AOPEP: variants seen among roughly 807,000 people sequenced by gnomAD.
The protein encoded by AOPEP is aminopeptidase O.
In AOPEP, 77 loss-of-function variants were observed where a neutral mutation model predicts 98.1. The observed-to-expected ratio is 0.78, with a 90% CI of 0.65 to 0.95. AOPEP has a LOEUF of 0.95. Ranked by LOEUF, AOPEP falls within the 40% of genes least tolerant of loss-of-function variation. The probability of loss-of-function intolerance (pLI) is 0.00; values close to 1 mark genes in which losing one functional copy is unlikely to be tolerated. For missense variants in AOPEP, 1,024 were observed against 1,024.7 expected (o/e 1.00, Z 0.01); for synonymous variants, 346 against 365.3 (o/e 0.95, Z 0.60).
rs908040887 is a variant in AOPEP, at chr9:94,980,056, G to A, written c.1977+629G>A. Among the ~76,000 whole-genome samples, 2 of 152,160 alleles carry A rather than the reference G, an allele frequency of 1.3e-5. No homozygotes were observed. The highest frequency in any genetic ancestry group is 4.8e-5 in the African/African-American group (2 of 41,426). Reference sequence around the variant, plus strand: ...TTCTCTCCCTCCCTTTCAGTCTATGGGCAACTCTAAGGGAGAAACCTTTTC... The same window carrying A: ...TTCTCTCCCTCCCTTTCAGTCTATGAGCAACTCTAAGGGAGAAACCTTTTC... On this transcript the variant is annotated intron_variant, in intron 11 of 16. Transcript: ENST00000375315. This position sits in a 1 kb window ranked among gnomAD's most constrained non-coding sequence, Gnocchi z 4.3.
chr9:94,914,866 G>T (rs1033523526), intron 5 of AOPEP, among the ~76,000 whole-genome samples: 1 of 152,178 alleles, frequency 6.6e-6, no homozygotes, highest in African/African-American at 2.4e-5. Flanking sequence ...GAGGCCCAGA[G>T]ATCTGTTTTA....
intron 5 of AOPEP, among the ~76,000 whole-genome samples, chr9:94,819,157 C>T (rs1459320378): frequency 6.6e-6 from 1 of 152,200 alleles, no homozygotes; most frequent in Non-Finnish European, 1.5e-5. Context: ...AGCTCTCTGT[C>T]CTTGACCTCT....
chr9:94,887,434 G>A (rs200851727), intron 5 of AOPEP, among the ~76,000 whole-genome samples: 3 of 152,204 alleles, frequency 2.0e-5, no homozygotes, highest in Middle Eastern at 3.4e-3. Flanking sequence ...CATAAGCATT[G>A]TACTTGAGTT....
chr9:95,036,561 T>G (rs2064837738), intron 13 of AOPEP, among the ~76,000 whole-genome samples: 1 of 152,224 alleles, frequency 6.6e-6, no homozygotes. Context: ...TGTGTTTACT[T>G]GCTCTTTATA....
the AOPEP span, among the ~76,000 whole-genome samples, chr9:95,120,775 G>A: frequency 3.9e-5 from 6 of 152,152 alleles, no homozygotes; most frequent in Admixed American, 1.3e-4. Flanking sequence ...CTTTTTATTA[G>A]AATATTTAAC....
intron 13 of AOPEP, among the ~76,000 whole-genome samples, 191 bp downstream of exon 13, chr9:95,005,807 A>G (rs550910448): frequency 2.0e-5 from 3 of 152,340 alleles, no homozygotes; most frequent in African/African-American, 4.8e-5. Context: ...ATATAGTCTC[A>G]TTAGGAGAGA....
intron 1 of AOPEP, among the ~76,000 whole-genome samples, chr9:94,737,750 G>A (rs1359051800): frequency 6.6e-6 from 1 of 152,198 alleles, no homozygotes; most frequent in Non-Finnish European, 1.5e-5. Context: ...ACAAGATGTG[G>A]TGTGCTTAAG....
At chr9:94,875,347 GAAAAAAAAA>G (rs71366265) in intron 5 of AOPEP, among the ~76,000 whole-genome samples, 33 of 71,510 alleles carry the variant, frequency 4.6e-4, no homozygotes, top group African/African-American at 1.0e-3. Context: ...AATTGAGCAA[GAAAAAAAAA>G]AAAAAAAAAA....
At chr9:94,756,060 C>T (rs1411752828) in intron 1 of AOPEP, among the ~76,000 whole-genome samples, 1 of 150,350 alleles carries the variant, frequency 6.7e-6, no homozygotes, top group Non-Finnish European at 1.5e-5. Context: ...GAGATCAAGA[C>T]CATCCTGGCT....
the AOPEP span, among the ~76,000 whole-genome samples, chr9:95,133,640 G>C: frequency 6.6e-6 from 1 of 152,200 alleles, no homozygotes; most frequent in Non-Finnish European, 1.5e-5. Context: ...AAGGATTAAG[G>C]AAAGGCTGGA....
rs900540811 is a variant in AOPEP at position 95,028,906 on chromosome 9, A to G, written c.2115+23290A>G. 7.9e-5 allele frequency among the ~76,000 whole-genome samples: 12 copies of G among 152,244 alleles called. 1 individual carries two copies. The highest frequency in any genetic ancestry group is 1.5e-5 in the Non-Finnish European group (1 of 68,038). On this transcript the variant is annotated intron_variant, in intron 13 of 16. Coordinates refer to ENST00000375315, the MANE Select transcript of AOPEP (RefSeq NM_001193329.3). Reference sequence around the variant, plus strand: ...ATTATTTGTGTTAGGTTATCCAAGAATTCCGCGAGAGCCATTGGCCCCAGA... The same window carrying G: ...ATTATTTGTGTTAGGTTATCCAAGAGTTCCGCGAGAGCCATTGGCCCCAGA...
At chr9:94,737,597 T>C (rs1306990820) in intron 1 of AOPEP, among the ~76,000 whole-genome samples, 2 of 152,262 alleles carry the variant, frequency 1.3e-5, no homozygotes, top group African/African-American at 4.8e-5. Context: ...TGTAAAGTGC[T>C]GTTTGATATT....
intron 1 of AOPEP, among the ~76,000 whole-genome samples, chr9:94,730,215 C>A (rs914912476): frequency 1.4e-5 from 2 of 147,260 alleles, no homozygotes; most frequent in African/African-American, 2.5e-5. Flanking sequence ...ACTGGTGAGG[C>A]GGAGCTTGTA....
intron 13 of AOPEP, among the ~76,000 whole-genome samples, chr9:95,016,245 A>ATTTT (rs532120566): frequency 1.6e-5 from 2 of 123,648 alleles, no homozygotes; most frequent in African/African-American, 3.1e-5. Flanking sequence ...TTCTCTTGTG[A>ATTTT]TTTTTTTTTT....
At chr9:94,964,974 C>G (rs1439879945) in intron 9 of AOPEP, among the ~76,000 whole-genome samples, 1 of 152,062 alleles carries the variant, frequency 6.6e-6, no homozygotes, top group Non-Finnish European at 1.5e-5. Context: ...ATCAAAAATC[C>G]TATCCACAAG....
intron 13 of AOPEP, among the ~76,000 whole-genome samples, chr9:95,053,218 G>A (rs2066536087): frequency 6.6e-6 from 1 of 152,122 alleles, no homozygotes. Flanking sequence ...AGCTTCAGCT[G>A]GAAGCAGAAA....
intron 14 of AOPEP, among the ~76,000 whole-genome samples, chr9:95,070,604 G>A (rs1046280148): frequency 4.6e-5 from 7 of 152,268 alleles, no homozygotes; most frequent in African/African-American, 1.4e-4. Flanking sequence ...CATTTATCAA[G>A]CATGTACTAT....
At chr9:94,773,302 C>A in intron 3 of AOPEP, 134 bp downstream of exon 3, 1 of 760,228 alleles carries the variant, frequency 1.3e-6, no homozygotes, top group Non-Finnish European at 2.0e-6. Flanking sequence ...TATAAAACAT[C>A]CTGCCAGGGA....
intron 7 of AOPEP, among the ~76,000 whole-genome samples, chr9:94,953,833 A>G (rs1282079214): frequency 6.6e-6 from 1 of 152,200 alleles, no homozygotes; most frequent in African/African-American, 2.4e-5. Context: ...GAAAGCTGTA[A>G]ATACCTCCTC....
Sources: gnomAD v4.1 joint callset for allele counts (sites outside exome capture counted in the v4.1 genomes callset) on GRCh38, gnomAD v4.1.1 for gene constraint, Gnocchi (gnomAD v3.1) non-coding constraint, MANE v1.5 for transcripts, NCBI Gene and HGNC (gene_info 2026-07-23, HGNC 2026-07-21) for gene names.